Variants in USP4 observed in about 807,000 individuals in gnomAD.
USP4 encodes ubiquitin carboxyl-terminal hydrolase 4.
A neutral mutation model predicts 118.2 loss-of-function variants in USP4; 72 were observed. The observed-to-expected ratio is 0.61, with a 90% CI of 0.50 to 0.74. USP4 has a LOEUF of 0.74. Ranked by LOEUF, USP4 falls within the 30% of genes least tolerant of loss-of-function variation. USP4 has a pLI of 0.00. For missense variants in USP4, 1,037 were observed against 1,185.7 expected, an observed-to-expected ratio of 0.87 and a Z score of 1.84; for synonymous variants, 415 against 440.4, an observed-to-expected ratio of 0.94 and a Z score of 0.72.
At chr3:49,312,651 G>A in intron 6 of USP4, 1 of 359,810 alleles carries the variant, frequency 2.8e-6, no homozygotes, top group Non-Finnish European at 5.5e-6. Flanking sequence ...AATTAGCCAG[G>A]CATGGCAGCA....
chr3:49,335,429 C>A, intron 2 of USP4, 40 bp downstream of exon 2: 1 of 1,613,870 alleles, frequency 6.2e-7, no homozygotes, highest in Non-Finnish European at 8.5e-7. Flanking sequence ...AGGCCACTGC[C>A]CAGGTGAATG....
At chr3:49,312,607 C>A (rs956428061) in intron 6 of USP4, 1 of 378,402 alleles carries the variant, frequency 2.6e-6, no homozygotes, top group African/African-American at 2.2e-5. Flanking sequence ...GCAAAAAGAA[C>A]GAAACTCTGT....
At chr3:49,298,659 T>C (rs1196377564) in intron 11 of USP4, 24 bp from the exon 12 acceptor site, 1 of 1,610,894 alleles carries the variant, frequency 6.2e-7, no homozygotes. Flanking sequence ...ATGGTCAAGG[T>C]CACAGGGGTG....
At chr3:49,306,390 A>G (rs1284066300) in intron 8 of USP4, among the ~76,000 whole-genome samples, 4 of 151,784 alleles carry the variant, frequency 2.6e-5, no homozygotes, top group Admixed American at 2.6e-4. Context: ...TTCAGTAGAG[A>G]TGGGGTTTCA....
At chr3:49,318,495 C>T (rs1344496327) in intron 6 of USP4, 1 of 985,330 alleles carries the variant, frequency 1.0e-6, no homozygotes, top group Non-Finnish European at 1.2e-6. Context: ...AAAGCCAGGT[C>T]TACACAAACC....
At chr3:49,319,341 C>T (rs1027379178) in intron 6 of USP4, among the ~76,000 whole-genome samples, 4 of 151,204 alleles carry the variant, frequency 2.6e-5, no homozygotes, top group South Asian at 2.1e-4. Context: ...CTCCGCCTCC[C>T]GGGTTCAAGA....
Position 49,327,722 on chromosome 3 carries a change from G to C in USP4, c.324C>G (p.Tyr108Ter). Residue 108 changes from tyrosine to a stop codon, truncating the protein, a stop_gained, in exon 3 of 22, where the codon TAC becomes TAG. Coordinates refer to ENST00000265560, the MANE Select transcript of USP4 (RefSeq NM_003363.4). LOFTEE classifies it high-confidence loss of function. The stretch of plus-strand genomic sequence containing the variant: ...TGGGTTGCTGGCCTTCTACACAGCC[G>C]TACCAGTTTAGTAGTTTATTCCACG... ...TEAWNKLLNW[Y>*]GCVEGQQPIV... 1 of 1,614,046 alleles carries C rather than the reference G, an allele frequency of 6.2e-7. No individual in the cohort carries two copies. Among genetic ancestry groups the C allele is most frequent in the Non-Finnish European group, 8.5e-7 (1 of 1,179,994 alleles).
chr3:49,278,187 C>T lies in USP4; in HGVS notation c.*106G>A. On this transcript the variant is annotated 3_prime_UTR_variant, in exon 22 of 22. Transcript: ENST00000265560. ...TTCTGCTCATAAAAGAAGGGTATTT[C>T]CTTGTCTGGTTTTTAGACAGAACAC... 6 of 1,260,642 alleles carry T rather than the reference C, an allele frequency of 4.8e-6. No homozygotes were observed. The South Asian group carries it at 6.2e-5, about 13-fold the overall frequency. The allele number at this position is 1,260,642 out of a possible 1,614,324, so 78.1% of individuals were successfully genotyped here. A position where few individuals can be genotyped will look rare whatever the true frequency, so the allele number is the denominator to read the frequency against.
In USP4 at chr3:49,298,551, C is replaced by T. The variant is rs368755681; in HGVS notation, c.1596+1G>A. On this transcript the variant is annotated splice_donor_variant, in intron 12 of 21. Coordinates refer to ENST00000265560, the MANE Select transcript of USP4 (RefSeq NM_003363.4). LOFTEE classifies it high-confidence loss of function. ...GAGTGCCACTGATCACCCCGCCTTA[C>T]ATTTTCTGCAGCAATGCCAGACAGC... The T allele has an allele frequency of 2.5e-6, 4 of 1,614,110 alleles. No individual in the cohort carries two copies. Among genetic ancestry groups the T allele is most frequent in the Non-Finnish European group, 3.4e-6 (4 of 1,179,974 alleles).
intron 6 of USP4, among the ~76,000 whole-genome samples, chr3:49,317,636 G>A (rs1377389823): frequency 1.3e-5 from 2 of 150,774 alleles, no homozygotes; most frequent in Admixed American, 1.3e-4. Context: ...CCGCCTCCTG[G>A]GTTCACATCA....
At chr3:49,297,733 T>C (rs2047224423) in intron 13 of USP4, 137 bp downstream of exon 13, 1 of 674,020 alleles carries the variant, frequency 1.5e-6, no homozygotes. Context: ...TCAATACCCA[T>C]CTCTTGCACC....
chr3:49,280,608 G>T, intron 20 of USP4, 136 bp downstream of exon 20: 1 of 553,420 alleles, frequency 1.8e-6, no homozygotes, highest in Non-Finnish European at 3.1e-6. Context: ...AGGGGAATCA[G>T]TATGAAGAAA....
intron 2 of USP4, among the ~76,000 whole-genome samples, chr3:49,335,113 A>G (rs1464221204): frequency 6.6e-6 from 1 of 152,222 alleles, no homozygotes; most frequent in African/African-American, 2.4e-5. Context: ...TTCCACTGCA[A>G]AGGTAACAAA....
At chr3:49,310,777 A>G (rs769070763) in intron 7 of USP4, 40 bp from the exon 8 acceptor site, 13 of 1,492,464 alleles carry the variant, frequency 8.7e-6, no homozygotes, top group South Asian at 7.9e-5. Context: ...AAGCAAGTGC[A>G]TAACACATGC....
intron 20 of USP4, 121 bp downstream of exon 20, chr3:49,280,623 G>T: frequency 1.5e-6 from 1 of 656,608 alleles, no homozygotes; most frequent in Non-Finnish European, 2.6e-6. Context: ...AAGAAAGCGT[G>T]CAGCATGAAG....
chr3:49,279,578 G>T (rs1293134333), intron 20 of USP4, among the ~76,000 whole-genome samples: 1 of 152,170 alleles, frequency 6.6e-6, no homozygotes, highest in South Asian at 2.1e-4. Context: ...TCCCAAGCAG[G>T]ATGTGTTTAT....
chr3:49,303,934 G>A (rs2047286739), intron 9 of USP4, among the ~76,000 whole-genome samples: 1 of 151,976 alleles, frequency 6.6e-6, no homozygotes, highest in South Asian at 2.1e-4. Flanking sequence ...TGTATTTTTA[G>A]TAGAGATGGG....
chr3:49,279,936 A>G (rs536591464), intron 20 of USP4, among the ~76,000 whole-genome samples: 10 of 152,302 alleles, frequency 6.6e-5, no homozygotes, highest in Non-Finnish European at 2.9e-5. Flanking sequence ...ACTTGCCCAA[A>G]TGGTATGTTT....
At chr3:49,300,388 G>T in intron 11 of USP4, 79 bp downstream of exon 11, 1 of 1,348,094 alleles carries the variant, frequency 7.4e-7, no homozygotes, top group Non-Finnish European at 1.1e-6. Context: ...GGCAGCCAAT[G>T]CAGCAGATAG....
Sources: gnomAD v4.1 joint callset for allele counts (sites outside exome capture counted in the v4.1 genomes callset) on GRCh38, gnomAD v4.1.1 for gene constraint, MANE v1.5 for transcripts, NCBI Gene and HGNC (gene_info 2026-07-23, HGNC 2026-07-21) for gene names.